The following TMEM232 variants were observed in gnomAD, a reference collection of about 807,000 sequenced individuals.
TMEM232 encodes the protein transmembrane protein 232.
Under a neutral mutation model 78.8 loss-of-function variants are expected in TMEM232, and 80 were observed. The observed-to-expected ratio is 1.01, with a 90% CI of 0.85 to 1.22. The LOEUF (loss-of-function observed/expected upper bound fraction) is 1.22, where lower values mean the gene tolerates loss of function less well. Among genes scored for constraint, TMEM232 ranks in the 50% most tolerant of loss-of-function variants. The probability of loss-of-function intolerance (pLI) is 0.00; values close to 1 mark genes in which losing one functional copy is unlikely to be tolerated. For missense variants in TMEM232, 881 were observed against 742.2 expected (o/e 1.19, Z -2.17); for synonymous variants, 297 against 254.3 (o/e 1.17, Z -1.60).
intron 8 of TMEM232, among the ~76,000 whole-genome samples, chr5:110,610,049 A>G (rs1202743376): frequency 6.6e-6 from 1 of 152,158 alleles, no homozygotes; most frequent in East Asian, 1.9e-4. Context: ...AGAGTAAGGT[A>G]GGAGATTGCA....
intron 10 of TMEM232, among the ~76,000 whole-genome samples, chr5:110,598,634 G>A (rs1780485815): frequency 6.6e-6 from 1 of 151,976 alleles, no homozygotes; most frequent in East Asian, 1.9e-4. Context: ...ATGATAGACT[G>A]GATTAAGAAA....
chr5:110,522,177 A>G (rs887053959), intron 12 of TMEM232, among the ~76,000 whole-genome samples: 4 of 152,064 alleles, frequency 2.6e-5, no homozygotes, highest in African/African-American at 9.7e-5. Context: ...ATTCTTTTTC[A>G]TACTATTGTA....
chr5:110,517,138 C>T (rs75336929), intron 12 of TMEM232, among the ~76,000 whole-genome samples: 2,110 of 152,224 alleles, frequency 0.014, 41 homozygotes, highest in African/African-American at 0.048. Context: ...TGATGTGGTA[C>T]TATGAATAAA....
intron 1 of TMEM232, among the ~76,000 whole-genome samples, chr5:110,680,396 CAAAAA>C (rs1189611727): frequency 4.1e-4 from 10 of 24,676 alleles, no homozygotes; most frequent in Middle Eastern, 0.02. Context: ...GACTCTATCT[CAAAAA>C]AAAAAAAAAA....
At chr5:110,486,485 A>G (rs997406826) in intron 12 of TMEM232, among the ~76,000 whole-genome samples, 1 of 151,936 alleles carries the variant, frequency 6.6e-6, no homozygotes. Flanking sequence ...TCTTGAGTTG[A>G]TTTTTGTATA....
chr5:110,404,046 C>G (rs60591120), intron 2 of TMEM232, among the ~76,000 whole-genome samples: 4,656 of 151,920 alleles, frequency 0.031, 265 homozygotes, highest in African/African-American at 0.11. Flanking sequence ...TTACCTTTCT[C>G]TCTTCACTCC....
rs1173838861 is a variant in TMEM232 at position 110,472,398 on chromosome 5, CATAA to C, written c.1704-47486_1704-47483del. On this transcript the variant is annotated intron_variant, in intron 12 of 13. Coordinates refer to ENST00000455884, the MANE Select transcript of TMEM232 (RefSeq NM_001039763.4). ...CACTGATTATAAAAATTGAAGTGGACATAAATAAATGGAAAAAATATCCTGTGTA... is the reference window on the plus strand; with the variant it reads ...CACTGATTATAAAAATTGAAGTGGACATAAATGGAAAAAATATCCTGTGTA... Among the ~76,000 whole-genome samples the C allele has an allele frequency of 3.3e-5, 5 of 151,858 alleles. No individual in the cohort carries two copies. In the East Asian group the frequency reaches 7.8e-4, roughly 24 times the overall value.
rs182764535 is a variant in TMEM232, at chr5:110,695,883, G to A, written c.-12-28519C>T. Among the ~76,000 whole-genome samples the A allele has an allele frequency of 2.3e-3, 353 of 152,268 alleles. 13 individuals carry two copies. The East Asian group carries it at 0.064, about 27-fold the overall frequency. On this transcript the variant is annotated intron_variant, in intron 1 of 13. Coordinates refer to ENST00000455884, the MANE Select transcript of TMEM232 (RefSeq NM_001039763.4). ...AATTCTACCAGAGGTACAAGGAGAA[G>A]CTGGTACCATTCCTTCTGAAACTAT...
chr5:110,465,756 T>C lies in TMEM232; in HGVS notation c.1704-40840A>G, dbSNP rs372564033. The stretch of plus-strand genomic sequence containing the variant: ...ATTGGGTGTTACTAATGGCCAATAA[T>C]AGAGAATTGGTAAAATGAGTTATTG... On this transcript the variant is annotated intron_variant, in intron 12 of 13. Transcript: ENST00000455884. Among the ~76,000 whole-genome samples the C allele has an allele frequency of 3.9e-5, 6 of 152,298 alleles. No homozygotes were observed. The East Asian group carries it at 1.2e-3, about 29-fold the overall frequency.
At chr5:110,455,673 C>A (rs181603271) in intron 12 of TMEM232, among the ~76,000 whole-genome samples, 6 of 152,100 alleles carry the variant, frequency 3.9e-5, no homozygotes, top group Non-Finnish European at 8.8e-5. Context: ...CCACCGCACC[C>A]GGCCCATGTA....
upstream of TMEM232, among the ~76,000 whole-genome samples, chr5:110,727,094 A>C (rs996741324): frequency 1.3e-5 from 2 of 152,214 alleles, no homozygotes; most frequent in Non-Finnish European, 2.9e-5. Context: ...GTGAGTAAAC[A>C]AAGCACCTAG....
intron 12 of TMEM232, among the ~76,000 whole-genome samples, chr5:110,479,027 G>T (rs1309211308): frequency 6.7e-6 from 1 of 150,072 alleles, no homozygotes; most frequent in Non-Finnish European, 1.5e-5. Context: ...ACATTACTGT[G>T]GTAGAACTAG....
chr5:110,603,766 A>G (rs772349374), intron 10 of TMEM232, among the ~76,000 whole-genome samples: 6 of 152,222 alleles, frequency 3.9e-5, no homozygotes, highest in Non-Finnish European at 5.9e-5. Flanking sequence ...AAAAGCTTGA[A>G]AAGTGGGAAA....
intron 12 of TMEM232, among the ~76,000 whole-genome samples, chr5:110,509,002 A>ATATATGTATATATG (rs1265729103): frequency 0.025 from 3,229 of 130,116 alleles, 58 homozygotes; most frequent in African/African-American, 0.058. Context: ...ATATATGTAT[A>ATATATGTATATATG]TATATATGTA....
intron 3 of TMEM232, among the ~76,000 whole-genome samples, 159 bp downstream of exon 3, chr5:110,642,101 T>C (rs1366591221): frequency 6.6e-6 from 1 of 152,140 alleles, no homozygotes; most frequent in Non-Finnish European, 1.5e-5. Flanking sequence ...TATTTGGTTA[T>C]AAGCTTTAAT....
chr5:110,516,511 G>C (rs577907118), intron 12 of TMEM232, among the ~76,000 whole-genome samples: 1 of 152,166 alleles, frequency 6.6e-6, no homozygotes, highest in South Asian at 2.1e-4. Flanking sequence ...AGAGAAAAGA[G>C]AAATACTATG....
chr5:110,494,449 C>T (rs1031513839), intron 12 of TMEM232, among the ~76,000 whole-genome samples: 1 of 151,998 alleles, frequency 6.6e-6, no homozygotes, highest in Non-Finnish European at 1.5e-5. Flanking sequence ...TATAGTACTA[C>T]ATGTTGATGA....
At chr5:110,439,820 T>G (rs1228770443) in intron 12 of TMEM232, among the ~76,000 whole-genome samples, 1 of 152,138 alleles carries the variant, frequency 6.6e-6, no homozygotes. Flanking sequence ...CAGAATTTTA[T>G]AGTCCTGGGC....
At chr5:110,540,697 C>T (rs1772995931) in intron 11 of TMEM232, among the ~76,000 whole-genome samples, 2 of 152,288 alleles carry the variant, frequency 1.3e-5, no homozygotes, top group African/African-American at 4.8e-5. Flanking sequence ...CCAGACACTG[C>T]CCCCTGGCAC....
Sources: gnomAD v4.1 joint callset for allele counts (sites outside exome capture counted in the v4.1 genomes callset) on GRCh38, gnomAD v4.1.1 for gene constraint, MANE v1.5 for transcripts, NCBI Gene and HGNC (gene_info 2026-07-23, HGNC 2026-07-21) for gene names.